The following CUL2 variants were observed in gnomAD, a reference collection of about 807,000 sequenced individuals.
CUL2 encodes cullin-2.
CUL2 carries 22 observed loss-of-function variants against 110.2 expected under a neutral mutation model. That is an observed-to-expected ratio of 0.20 (90% confidence interval 0.14 to 0.28). The LOEUF (loss-of-function observed/expected upper bound fraction) is 0.28, where lower values mean the gene tolerates loss of function less well. CUL2 is among the 10% of genes least tolerant of loss of function. CUL2 has a pLI of 1.00. For synonymous variants in CUL2, 279 were observed against 293.2 expected (o/e 0.95, Z 0.49); for missense variants, 631 against 905.5 (o/e 0.70, Z 3.89).
intron 1 of CUL2, among the ~76,000 whole-genome samples, chr10:35,105,856 G>A (rs1262367490): frequency 1.4e-5 from 2 of 140,382 alleles, no homozygotes; most frequent in African/African-American, 5.3e-5. Context: ...AACAAACATC[G>A]ATAAACTTTA....
chr10:35,035,067 A>C (rs2085584995), intron 10 of CUL2, 105 bp downstream of exon 10: 2 of 1,318,350 alleles, frequency 1.5e-6, no homozygotes, highest in Non-Finnish European at 2.1e-6. Context: ...TTTCGTTGGC[A>C]TGGTAAGACT....
chr10:35,046,452 T>C (rs1352328891), intron 6 of CUL2, among the ~76,000 whole-genome samples: 4 of 152,212 alleles, frequency 2.6e-5, no homozygotes, highest in Admixed American at 1.3e-4. Flanking sequence ...GTGGAAAAAC[T>C]GGAAGGAACC....
intron 19 of CUL2, among the ~76,000 whole-genome samples, chr10:35,013,459 T>G (rs1740636598): frequency 2.0e-5 from 3 of 152,186 alleles, no homozygotes; most frequent in African/African-American, 4.8e-5. Context: ...AGTTACACAT[T>G]CTAATGGTTT....
At chr10:35,065,898 A>T (rs550210883) in intron 2 of CUL2, among the ~76,000 whole-genome samples, 36 of 152,240 alleles carry the variant, frequency 2.4e-4, no homozygotes, top group African/African-American at 7.9e-4. Context: ...TCAGATTTCA[A>T]CTTAAACATT....
intron 2 of CUL2, among the ~76,000 whole-genome samples, chr10:35,100,189 C>T (rs1468364434): frequency 2.6e-5 from 4 of 152,066 alleles, no homozygotes; most frequent in Non-Finnish European, 5.9e-5. Context: ...AGGTTAGCAA[C>T]ATCTTGCTTC....
chr10:35,029,127 C>T (rs990276444), intron 15 of CUL2, among the ~76,000 whole-genome samples: 9 of 151,686 alleles, frequency 5.9e-5, no homozygotes, highest in South Asian at 2.1e-4. Flanking sequence ...GCACGATCTC[C>T]GCTCACTGCA....
chr10:35,109,442 G>A (rs541640284), intron 1 of CUL2, among the ~76,000 whole-genome samples: 1 of 152,278 alleles, frequency 6.6e-6, no homozygotes, highest in African/African-American at 2.4e-5. Context: ...ATTCCAGTGA[G>A]CAGAGACAGA....
intron 1 of CUL2, among the ~76,000 whole-genome samples, chr10:35,117,819 C>T (rs973501166): frequency 1.3e-5 from 2 of 152,304 alleles, no homozygotes; most frequent in East Asian, 1.9e-4. Flanking sequence ...AATTACACTG[C>T]ATTACATGTA....
At position 35,038,978 on chromosome 10, in the gene CUL2, G is replaced by A; in HGVS notation, c.819C>T (p.Asp273=). Residue 273 remains aspartate, a synonymous_variant, in exon 9 of 21, where the codon GAC becomes GAT. Coordinates refer to ENST00000374749, the MANE Select transcript of CUL2 (RefSeq NM_003591.4). The part of the protein sequence containing the change: ...IHECQQRMVA[D]HLQFLHAECH... ...ATTCTGCATGTAAAAACTGTAAGTG[G>A]TCTGCTACCATTCGTTGTTGACATT... 6.2e-6 allele frequency: 10 copies of A among 1,609,706 alleles called. No individual in the cohort carries two copies. The highest frequency in any genetic ancestry group is 8.5e-6 in the Non-Finnish European group (10 of 1,177,586).
chr10:35,035,136 T>C, intron 10 of CUL2, 36 bp downstream of exon 10: 1 of 1,613,420 alleles, frequency 6.2e-7, no homozygotes, highest in Non-Finnish European at 8.5e-7. Context: ...TGGATCTGAT[T>C]AGGAGGAAAA....
At chr10:35,075,680 A>G (rs11498306) in intron 1 of CUL2, among the ~76,000 whole-genome samples, 262 of 138,776 alleles carry the variant, frequency 1.9e-3, no homozygotes, top group Admixed American at 9.2e-3. Context: ...ACACACACAC[A>G]CACGCACGCT....
intron 1 of CUL2, among the ~76,000 whole-genome samples, chr10:35,077,509 T>C (rs914206751): frequency 6.6e-6 from 1 of 150,526 alleles, no homozygotes; most frequent in Admixed American, 6.6e-5. Flanking sequence ...AAAATAATAA[T>C]AATAAAATAA....
At chr10:35,047,811 A>G (rs1365490572) in intron 6 of CUL2, among the ~76,000 whole-genome samples, 10 of 152,122 alleles carry the variant, frequency 6.6e-5, no homozygotes, top group Non-Finnish European at 4.4e-5. Flanking sequence ...AGGCTGAGGC[A>G]GGAGAATTGC....
In CUL2 at chr10:35,028,821, T is replaced by C; in HGVS notation, c.1606A>G (p.Ser536Gly). The C allele has an allele frequency of 6.2e-7, 1 of 1,609,950 alleles. No homozygotes were observed. The highest frequency in any genetic ancestry group is 8.5e-7 in the Non-Finnish European group (1 of 1,176,736). The change falls in exon 16 of 21, where the codon AGT (serine) becomes GGT (glycine). Residue 536 changes from serine to glycine, a missense_variant. Coordinates refer to ENST00000374749, the MANE Select transcript of CUL2 (RefSeq NM_003591.4). ...TFAIPQELEKSVQMFELFYSQ... is the reference protein window; with the variant it reads ...TFAIPQELEKGVQMFELFYSQ... ...TCCTGCAAACTTACCATCTGTACAC[T>C]TTTTTCTAATTCCTGGGGAATTGCA... is the stretch of plus-strand genomic sequence containing the variant.
At chr10:35,053,540 G>A (rs7914693) in intron 5 of CUL2, among the ~76,000 whole-genome samples, 1 of 152,008 alleles carries the variant, frequency 6.6e-6, no homozygotes, top group Non-Finnish European at 1.5e-5. Context: ...CAGCCATTAG[G>A]CACCCTATTA....
intron 1 of CUL2, among the ~76,000 whole-genome samples, chr10:35,087,520 TCTCAC>T (rs920716304): frequency 4.7e-4 from 71 of 152,088 alleles, no homozygotes; most frequent in African/African-American, 1.7e-3. Flanking sequence ...ATCACCTACT[TCTCAC>T]CTCCACTTGA....
At chr10:35,122,364 A>G (rs1483887089) in intron 1 of CUL2, among the ~76,000 whole-genome samples, 1 of 152,200 alleles carries the variant, frequency 6.6e-6, no homozygotes, top group African/African-American at 2.4e-5. Flanking sequence ...TTATAGTCCT[A>G]ATATTACTAT....
intron 1 of CUL2, among the ~76,000 whole-genome samples, chr10:35,073,589 T>C (rs2086738146): frequency 6.6e-6 from 1 of 151,596 alleles, no homozygotes; most frequent in South Asian, 2.1e-4. Context: ...TCTTTTCTTT[T>C]TTTTTTTCTT....
At chr10:35,049,043 GGATA>G (rs1391311613) in intron 6 of CUL2, among the ~76,000 whole-genome samples, 1 of 152,122 alleles carries the variant, frequency 6.6e-6, no homozygotes, top group East Asian at 1.9e-4. Context: ...GGAATTTACT[GGATA>G]TATATTTGTG....
Sources: gnomAD v4.1 joint callset for allele counts (sites outside exome capture counted in the v4.1 genomes callset) on GRCh38, gnomAD v4.1.1 for gene constraint, MANE v1.5 for transcripts, NCBI Gene and HGNC (gene_info 2026-07-23, HGNC 2026-07-21) for gene names.